The following RBM33 variants were observed in gnomAD, a reference collection of about 807,000 sequenced individuals.
RBM33 encodes RNA binding motif protein 33, also known as RNA-binding protein 33.
In RBM33, 28 loss-of-function variants were observed where a neutral mutation model predicts 132.6. The ratio of observed to expected loss-of-function variants is 0.21; its 90% CI spans 0.16 to 0.29. The LOEUF (loss-of-function observed/expected upper bound fraction) is 0.29, where lower values mean the gene tolerates loss of function less well. RBM33 is among the 10% of genes least tolerant of loss of function. The pLI, the probability that RBM33 is intolerant of heterozygous loss-of-function variation, is 1.00. For synonymous variants in RBM33, 634 were observed against 593.0 expected (o/e 1.07, Z -1.01); for missense variants, 1,291 against 1,518.5 (o/e 0.85, Z 2.49).
chr7:155,669,470 A>G (rs1798887277), intron 2 of RBM33, among the ~76,000 whole-genome samples: 1 of 152,184 alleles, frequency 6.6e-6, no homozygotes, highest in Non-Finnish European at 1.5e-5. Flanking sequence ...CTCATGCCTC[A>G]GTCTCCCGAG....
intron 13 of RBM33, among the ~76,000 whole-genome samples, chr7:155,744,571 C>T (rs533733105): frequency 4.4e-4 from 67 of 152,344 alleles, no homozygotes; most frequent in African/African-American, 1.3e-3. Flanking sequence ...AGGTCATTTA[C>T]ACCCCACCTT....
chr7:155,677,199 G>A (rs1302463431), intron 3 of RBM33, among the ~76,000 whole-genome samples: 4 of 148,526 alleles, frequency 2.7e-5, no homozygotes, highest in Non-Finnish European at 4.4e-5. Flanking sequence ...GTCACCTAAC[G>A]GAAACTTCAT....
chr7:155,648,790 G>A (rs979062252), intron 1 of RBM33, among the ~76,000 whole-genome samples: 1 of 152,032 alleles, frequency 6.6e-6, no homozygotes, highest in Admixed American at 6.5e-5. Context: ...GTCATACCTG[G>A]GGATATAATT....
intron 3 of RBM33, among the ~76,000 whole-genome samples, chr7:155,675,033 A>G (rs1429875044): frequency 6.6e-6 from 1 of 152,204 alleles, no homozygotes; most frequent in Non-Finnish European, 1.5e-5. Flanking sequence ...TAGGCTGGGC[A>G]TGGTGGCTCA....
intron 2 of RBM33, among the ~76,000 whole-genome samples, chr7:155,671,726 G>A (rs1563136313): frequency 3.3e-5 from 5 of 152,166 alleles, no homozygotes; most frequent in African/African-American, 1.2e-4. Flanking sequence ...AAATCTCCAT[G>A]AGTATTGGCA....
chr7:155,728,781 C>G (rs1800867294), intron 9 of RBM33, among the ~76,000 whole-genome samples: 1 of 152,112 alleles, frequency 6.6e-6, no homozygotes. Flanking sequence ...AAATCCCTCC[C>G]CATTTGCTGT....
chr7:155,700,904 A>C lies in RBM33; in HGVS notation c.699A>C (p.Ser233=). 6.2e-7 allele frequency: 1 copy of C among 1,612,992 alleles called. No homozygotes were observed. The highest frequency in any genetic ancestry group is 8.5e-7 in the Non-Finnish European group (1 of 1,179,430). Residue 233 remains serine (S), a synonymous_variant, in exon 6 of 18, where the codon TCA becomes TCC. Transcript: ENST00000401878. ...AAGAAGGAACAATTATTAGGCTCTCAGATGTAACTAGAGAGAGAAGGAACA... is the reference window on the plus strand; with the variant it reads ...AAGAAGGAACAATTATTAGGCTCTCCGATGTAACTAGAGAGAGAAGGAACA... ...ERKEGTIIRL[S]DVTRERRNIP... is the part of the protein sequence containing the mutation.
intron 5 of RBM33, among the ~76,000 whole-genome samples, chr7:155,683,798 G>T (rs546554831): frequency 1.3e-5 from 2 of 152,200 alleles, no homozygotes; most frequent in Non-Finnish European, 2.9e-5. Flanking sequence ...TTTATTTAAG[G>T]CCTTTAAAGT....
chr7:155,657,292 G>T (rs1563129690), intron 1 of RBM33, among the ~76,000 whole-genome samples: 1 of 152,122 alleles, frequency 6.6e-6, no homozygotes, highest in Non-Finnish European at 1.5e-5. Flanking sequence ...GAGTGCCCGC[G>T]CTGATGCACA....
Position 155,711,241 on chromosome 7 carries a change from G to A in RBM33, c.987G>A (p.Gln329=). Reference sequence around the variant, plus strand: ...CTCCACCGCCACCGCCGCCTCAGCAGCAGCCGATCAGAAGCCTGTTCCAGC... The same window carrying A: ...CTCCACCGCCACCGCCGCCTCAGCAACAGCCGATCAGAAGCCTGTTCCAGC... ...APPPPPPPPQ[Q]QPIRSLFQPQ... The change falls in exon 8 of 18, where the codon CAG becomes CAA. Residue 329 remains glutamine, a synonymous_variant. Transcript: ENST00000401878. 6.3e-7 allele frequency: 1 copy of A among 1,594,468 alleles called. No individual in the cohort carries two copies. Among genetic ancestry groups the A allele is most frequent in the Non-Finnish European group, 8.5e-7 (1 of 1,170,912 alleles).
At chr7:155,757,738 G>A (rs1006186737) in intron 14 of RBM33, among the ~76,000 whole-genome samples, 31 of 152,120 alleles carry the variant, frequency 2.0e-4, no homozygotes, top group African/African-American at 7.2e-4. Context: ...GGTTTAATTG[G>A]CCCAGGGTTC....
chr7:155,654,711 G>A (rs1034762571), intron 1 of RBM33, among the ~76,000 whole-genome samples: 7 of 152,042 alleles, frequency 4.6e-5, no homozygotes, highest in African/African-American at 1.7e-4. Context: ...ATCACATTGT[G>A]TATATTTTTT....
chr7:155,685,542 A>G (rs1406992713), intron 5 of RBM33, among the ~76,000 whole-genome samples: 1 of 152,218 alleles, frequency 6.6e-6, no homozygotes, highest in Admixed American at 6.5e-5. Flanking sequence ...AAACCTCCCA[A>G]GAGAGGCTCA....
chr7:155,701,729 C>A (rs1221763003), intron 6 of RBM33, among the ~76,000 whole-genome samples: 1 of 152,210 alleles, frequency 6.6e-6, no homozygotes, highest in African/African-American at 2.4e-5. Context: ...GCTTTGTTGC[C>A]TAAGCTGGAG....
chr7:155,735,362 TAGA>T (rs766745517), intron 9 of RBM33, among the ~76,000 whole-genome samples: 1 of 152,208 alleles, frequency 6.6e-6, no homozygotes, highest in African/African-American at 2.4e-5. Flanking sequence ...CGTGTGCTAT[TAGA>T]AGTAATTTTT....
At position 155,738,400 on chromosome 7, in the gene RBM33, G is replaced by T. The variant is rs1005338275; in HGVS notation, c.1734G>T (p.Leu578=). The change falls in exon 11 of 18, where the codon CTG becomes CTT. Residue 578 remains leucine (L), a synonymous_variant. Coordinates refer to ENST00000401878, the MANE Select transcript of RBM33 (RefSeq NM_053043.3). ...PFLPTHTQPN[L]QGPLHPPLPP... ...TGCCCACACACACACAGCCCAACCT[G>T]CAGGTAATGCATCCTGAGTGAACCT... 2.5e-6 allele frequency: 4 copies of T among 1,609,658 alleles called. No homozygotes were observed. The highest frequency in any genetic ancestry group is 1.1e-5 in the South Asian group (1 of 90,828).
chr7:155,657,168 AAAAT>A (rs1167063805), intron 1 of RBM33, among the ~76,000 whole-genome samples: 1 of 152,138 alleles, frequency 6.6e-6, no homozygotes, highest in Non-Finnish European at 1.5e-5. Flanking sequence ...CTCCTTTGGG[AAAAT>A]ACTTTAATTA....
chr7:155,710,341 A>G (rs1191729498), intron 7 of RBM33, among the ~76,000 whole-genome samples: 1 of 152,116 alleles, frequency 6.6e-6, no homozygotes, highest in African/African-American at 2.4e-5. Context: ...GAGGTCAGTA[A>G]ATAGGACCTA....
At chr7:155,708,776 C>T (rs1800190965) in intron 7 of RBM33, among the ~76,000 whole-genome samples, 1 of 152,162 alleles carries the variant, frequency 6.6e-6, no homozygotes, top group Non-Finnish European at 1.5e-5. Flanking sequence ...CTGTGGTATC[C>T]TCCGCTCCAA....
Sources: allele counts gnomAD v4.1 joint callset (sites outside exome capture counted in the v4.1 genomes callset), GRCh38; gene constraint gnomAD v4.1.1; transcripts MANE v1.5; gene names NCBI Gene and HGNC (gene_info 2026-07-23, HGNC 2026-07-21).